CDK11B: variants seen among roughly 807,000 people sequenced by gnomAD.
CDK11B encodes the protein cyclin-dependent kinase 11B.
Under a neutral mutation model 84.0 loss-of-function variants are expected in CDK11B, and 37 were observed. The observed-to-expected ratio is 0.44, with a 90% CI of 0.34 to 0.58. CDK11B has a LOEUF of 0.58. CDK11B is among the 20% of genes least tolerant of loss of function. CDK11B has a pLI of 0.02. For synonymous variants in CDK11B, 269 were observed against 309.8 expected (o/e 0.87, Z 1.38); for missense variants, 427 against 834.0 (o/e 0.51, Z 6.01).
chr1:1,653,457 A>G (rs2100982655), intron 3 of CDK11B, among the ~76,000 whole-genome samples: 1 of 152,048 alleles, frequency 6.6e-6, no homozygotes, highest in Middle Eastern at 3.4e-3. Context: ...AGTAGCTGTG[A>G]CTACAGGTGT....
intron 4 of CDK11B, 137 bp from the exon 5 acceptor site, chr1:1,649,774 A>T: frequency 1.4e-6 from 1 of 732,178 alleles, no homozygotes; most frequent in South Asian, 1.9e-5. Flanking sequence ...CAGGAGTTCA[A>T]GGCCATCCTG....
At chr1:1,638,911 G>A (rs1639809978) in intron 11 of CDK11B, among the ~76,000 whole-genome samples, 1 of 151,298 alleles carries the variant, frequency 6.6e-6, no homozygotes, top group African/African-American at 2.4e-5. Context: ...GACCAGCCCG[G>A]CCAACATAGC....
At chr1:1,646,627 G>A (rs1402465218) in intron 5 of CDK11B, 2 of 514,950 alleles carry the variant, frequency 3.9e-6, no homozygotes, top group African/African-American at 3.9e-5. Context: ...CCTTCCTGAG[G>A]ATTCAAGTTA....
intron 3 of CDK11B, among the ~76,000 whole-genome samples, chr1:1,653,312 C>T (rs1486185337): frequency 1.3e-5 from 2 of 151,872 alleles, no homozygotes; most frequent in Non-Finnish European, 2.9e-5. Flanking sequence ...TGTGAGCCAC[C>T]GCACCCAGCT....
chr1:1,649,817 A>G (rs1641655096), intron 4 of CDK11B, among the ~76,000 whole-genome samples, 180 bp from the exon 5 acceptor site: 1 of 151,854 alleles, frequency 6.6e-6, no homozygotes, highest in Non-Finnish European at 1.5e-5. Flanking sequence ...TCTACTAAAA[A>G]TACAAAAATT....
In CDK11B at chr1:1,637,129, A is replaced by G; in HGVS notation, c.1644T>C (p.Arg548=). ...KHLHDNWILH[R]DLKTSNLLLS... is the part of the protein sequence containing the mutation. ...GCAGCAGGTTGGACGTCTTGAGGTCACGGTGCAGGATCCAGTTGTCGTGCA... is the reference window on the plus strand; with the variant it reads ...GCAGCAGGTTGGACGTCTTGAGGTCGCGGTGCAGGATCCAGTTGTCGTGCA... The change falls in exon 15 of 20, where the codon CGT becomes CGC. Residue 548 remains arginine, a synonymous_variant. Coordinates refer to ENST00000341832, the MANE Select transcript of CDK11B (RefSeq NM_033486.3). 1 of 1,613,728 alleles carries G rather than the reference A, an allele frequency of 6.2e-7. No individual in the cohort carries two copies. Among genetic ancestry groups the G allele is most frequent in the South Asian group, 1.1e-5 (1 of 91,076 alleles).
At chr1:1,638,676 C>A (rs1326100283) in intron 11 of CDK11B, 86 bp from the exon 12 acceptor site, 2 of 1,366,952 alleles carry the variant, frequency 1.5e-6, no homozygotes, top group Non-Finnish European at 2.1e-6. Flanking sequence ...GCACACCCGG[C>A]ACGGGGCAGG....
chr1:1,649,349 C>T (rs1208788942), intron 5 of CDK11B, 150 bp downstream of exon 5: 7 of 593,594 alleles, frequency 1.2e-5, no homozygotes, highest in African/African-American at 1.9e-5. Flanking sequence ...GATCCGCCCA[C>T]CTCGGCCTCC....
intron 11 of CDK11B, among the ~76,000 whole-genome samples, chr1:1,639,079 T>C (rs1002082875): frequency 2.7e-5 from 4 of 150,428 alleles, no homozygotes; most frequent in African/African-American, 7.4e-5. Flanking sequence ...TAGCTGGGAG[T>C]ATAGGTACGC....
At chr1:1,653,584 G>C (rs1403411909) in intron 3 of CDK11B, among the ~76,000 whole-genome samples, 1 of 151,972 alleles carries the variant, frequency 6.6e-6, no homozygotes, top group Non-Finnish European at 1.5e-5. Flanking sequence ...GTCTCTCAAA[G>C]TGTTGGGATT....
chr1:1,647,836 T>G lies in CDK11B; in HGVS notation c.494+1663A>C, dbSNP rs61774950. ...TGGGCAAGGCCACTGCCCACTGCTC[T>G]AAACGGAGTAACCCCTTCCAAGGCA... On this transcript the variant is annotated intron_variant, in intron 5 of 19. Coordinates refer to ENST00000341832, the MANE Select transcript of CDK11B (RefSeq NM_033486.3). 5.5e-3 allele frequency among the ~76,000 whole-genome samples: 806 copies of G among 146,980 alleles called. 4 individuals are homozygous for G. The highest frequency in any genetic ancestry group is 0.011 in the Middle Eastern group (3 of 264).
intron 4 of CDK11B, 133 bp from the exon 5 acceptor site, chr1:1,649,770 T>G: frequency 1.4e-6 from 1 of 734,310 alleles, no homozygotes; most frequent in Non-Finnish European, 2.2e-6. Flanking sequence ...AGGTCAGGAG[T>G]TCAAGGCCAT....
chr1:1,647,626 C>G (rs1288821196), intron 5 of CDK11B, among the ~76,000 whole-genome samples: 1 of 152,270 alleles, frequency 6.6e-6, no homozygotes, highest in Non-Finnish European at 1.5e-5. Flanking sequence ...GTGGCGGCTT[C>G]TATTTTCTGC....
chr1:1,655,592 T>G, intron 2 of CDK11B, 108 bp from the exon 3 acceptor site: 1 of 1,423,654 alleles, frequency 7.0e-7, no homozygotes. Flanking sequence ...CAAAACAAAC[T>G]TTCATATATA....
At chr1:1,649,292 G>A (rs1213237803) in intron 5 of CDK11B, among the ~76,000 whole-genome samples, 200 of 151,956 alleles carry the variant, frequency 1.3e-3, no homozygotes, top group African/African-American at 4.5e-3. Context: ...TAGTAGAGAC[G>A]GGGTTTCACC....
chr1:1,650,006 G>A (rs1420595543), intron 4 of CDK11B, among the ~76,000 whole-genome samples: 2 of 150,402 alleles, frequency 1.3e-5, no homozygotes. Context: ...GGGCGCGGTG[G>A]CTCACGCCTG....
chr1:1,638,937 ATTTTTTTTTTTT>A, intron 11 of CDK11B, among the ~76,000 whole-genome samples: 1 of 119,410 alleles, frequency 8.4e-6, no homozygotes, highest in South Asian at 2.6e-4. Flanking sequence ...TCTGTTTTCT[ATTTTTTTTTTTT>A]TTTTTTTTTG....
intron 2 of CDK11B, chr1:1,657,162 A>C: frequency 6.3e-7 from 1 of 1,586,970 alleles, no homozygotes; most frequent in South Asian, 1.1e-5. Context: ...TGTATGCTCA[A>C]TCTAGACACA....
intron 10 of CDK11B, 72 bp downstream of exon 10, chr1:1,640,976 G>C (rs1640201914): frequency 6.3e-7 from 1 of 1,594,990 alleles, no homozygotes; most frequent in Non-Finnish European, 8.5e-7. Context: ...CGCAGGACCG[G>C]CTGTCTTAGG....
Sources: allele counts gnomAD v4.1 joint callset (sites outside exome capture counted in the v4.1 genomes callset), GRCh38; gene constraint gnomAD v4.1.1; transcripts MANE v1.5; gene names NCBI Gene and HGNC (gene_info 2026-07-23, HGNC 2026-07-21).